CAMK2D: variants seen among roughly 807,000 people sequenced by gnomAD.
CAMK2D encodes the protein calcium/calmodulin-dependent protein kinase type II subunit delta.
Under a neutral mutation model 84.0 loss-of-function variants are expected in CAMK2D, and 37 were observed. That is an observed-to-expected ratio of 0.44 (90% confidence interval 0.34 to 0.58). CAMK2D has a LOEUF of 0.58. Ranked by LOEUF, CAMK2D falls within the 20% of genes least tolerant of loss-of-function variation. CAMK2D has a pLI of 0.02. For synonymous variants in CAMK2D, 202 were observed against 212.5 expected, an observed-to-expected ratio of 0.95 and a Z score of 0.43; for missense variants, 448 against 652.5, an observed-to-expected ratio of 0.69 and a Z score of 3.41.
rs185878428 is a variant in CAMK2D at position 113,721,703 on chromosome 4, A to C, written c.160+37617T>G. On this transcript the variant is annotated intron_variant, in intron 2 of 20. Coordinates refer to ENST00000511664, the MANE Select transcript of CAMK2D (RefSeq NM_001321571.2). ...ATAAAAGTAAAAGCAAAGACTTCTA[A>C]CAAATGAGGACTGCCGTAAATTATC... Among the ~76,000 whole-genome samples the C allele has an allele frequency of 5.3e-5, 8 of 152,304 alleles. No individual in the cohort carries two copies. The East Asian group carries it at 1.5e-3, about 29-fold the overall frequency.
intron 8 of CAMK2D, among the ~76,000 whole-genome samples, chr4:113,521,468 G>C (rs1326357921): frequency 6.6e-6 from 1 of 152,132 alleles, no homozygotes; most frequent in Non-Finnish European, 1.5e-5. Context: ...GAAATCAGCT[G>C]CTATTACAGA....
At chr4:113,483,938 C>T (rs1188433491) in intron 16 of CAMK2D, among the ~76,000 whole-genome samples, 2 of 151,948 alleles carry the variant, frequency 1.3e-5, no homozygotes, top group Admixed American at 1.3e-4. Flanking sequence ...TCCATATAAG[C>T]AATAATTGGT....
intron 2 of CAMK2D, among the ~76,000 whole-genome samples, chr4:113,711,787 G>C (rs1462792926): frequency 6.6e-6 from 1 of 152,176 alleles, no homozygotes; most frequent in Non-Finnish European, 1.5e-5. Context: ...TCTATGCTTA[G>C]AAAGAACATC....
At position 113,505,043 on chromosome 4, in the gene CAMK2D, T is replaced by C; in HGVS notation, c.985-8A>G. 1.3e-6 allele frequency: 2 copies of C among 1,561,712 alleles called. No individual in the cohort carries two copies. Among genetic ancestry groups the C allele is most frequent in the Non-Finnish European group, 1.7e-6 (2 of 1,158,914 alleles). Reference sequence around the variant, plus strand: ...GTTGGCTTTGTTGTTTATCTGTGGGTATGCAGAAAATAGAAACAGAGATGC... The same window carrying C: ...GTTGGCTTTGTTGTTTATCTGTGGGCATGCAGAAAATAGAAACAGAGATGC... On this transcript the variant is annotated splice_region_variant and splice_polypyrimidine_tract_variant and intron_variant, in intron 13 of 20. Transcript: ENST00000511664.
chr4:113,632,633 A>G (rs2099094636), intron 3 of CAMK2D, among the ~76,000 whole-genome samples: 1 of 152,066 alleles, frequency 6.6e-6, no homozygotes, highest in African/African-American at 2.4e-5. Flanking sequence ...AAAAAAAAAG[A>G]AAAAAATCAA....
intron 7 of CAMK2D, among the ~76,000 whole-genome samples, chr4:113,533,781 T>C (rs1230394587): frequency 6.6e-6 from 1 of 151,924 alleles, no homozygotes; most frequent in South Asian, 2.1e-4. Flanking sequence ...AGCCATCTTA[T>C]CAAGTATAGT....
intron 4 of CAMK2D, among the ~76,000 whole-genome samples, chr4:113,593,359 A>G (rs1211954719): frequency 6.6e-6 from 1 of 152,188 alleles, no homozygotes; most frequent in East Asian, 1.9e-4. Flanking sequence ...ACAGGTTAGG[A>G]TAGAGTGTCA....
At chr4:113,549,249 T>C (rs2098606512) in intron 5 of CAMK2D, among the ~76,000 whole-genome samples, 1 of 152,168 alleles carries the variant, frequency 6.6e-6, no homozygotes, top group African/African-American at 2.4e-5. Context: ...CTTAGAAGCG[T>C]TGCTTTTTGT....
chr4:113,659,118 T>C (rs1170546604), intron 3 of CAMK2D, among the ~76,000 whole-genome samples: 1 of 152,190 alleles, frequency 6.6e-6, no homozygotes, highest in East Asian at 1.9e-4. Flanking sequence ...TGGCAGTTTT[T>C]CGAGTGTTTG....
chr4:113,695,790 C>T (rs1261443019), intron 2 of CAMK2D, among the ~76,000 whole-genome samples: 1 of 152,052 alleles, frequency 6.6e-6, no homozygotes, highest in South Asian at 2.1e-4. Context: ...CAGATTGACC[C>T]CATTGCCTCC....
rs2097266041 is a variant in CAMK2D at position 113,452,719 on chromosome 4, A to C, written c.*1826T>G. ...TGTATGCCACGTATAGCTGCTTCAC[A>C]AAAGGGTAAAAGAAATTAAAAAGAG... On this transcript the variant is annotated 3_prime_UTR_variant, in exon 21 of 21. Transcript: ENST00000511664. The C allele has an allele frequency of 6.6e-6, 1 of 152,570 alleles. No homozygotes were observed. Among genetic ancestry groups the C allele is most frequent in the South Asian group, 2.1e-4 (1 of 4,832 alleles). The allele number at this position is 152,570 out of a possible 1,614,324, so 9.5% of individuals were successfully genotyped here.
chr4:113,505,580 G>C lies in CAMK2D; in HGVS notation c.985-545C>G, dbSNP rs538836920. On this transcript the variant is annotated intron_variant, in intron 13 of 20. Transcript: ENST00000511664. ...ATAGCTTTTAAAAATGACAAGTGTA[G>C]ATCTCCTCTAAAAATTACATCTTCA... Among the ~76,000 whole-genome samples the C allele has an allele frequency of 5.9e-5, 9 of 152,044 alleles. No individual in the cohort carries two copies. The South Asian group carries it at 1.9e-3, about 32-fold the overall frequency.
chr4:113,725,733 T>C (rs72899837), intron 2 of CAMK2D, among the ~76,000 whole-genome samples: 7,636 of 152,178 alleles, frequency 0.05, 640 homozygotes, highest in African/African-American at 0.17. Context: ...TGTAATTAAC[T>C]GGATTTAGAA....
chr4:113,510,603 T>C (rs1014196148), intron 12 of CAMK2D, among the ~76,000 whole-genome samples: 2 of 152,178 alleles, frequency 1.3e-5, no homozygotes, highest in Non-Finnish European at 2.9e-5. Context: ...TGACAATTAG[T>C]ACACCAAGTG....
At chr4:113,675,144 C>T (rs1045969445) in intron 2 of CAMK2D, among the ~76,000 whole-genome samples, 1 of 152,152 alleles carries the variant, frequency 6.6e-6, no homozygotes, top group Non-Finnish European at 1.5e-5. Flanking sequence ...TTTACCTTTT[C>T]CTTTCACCTT....
chr4:113,649,215 C>T (rs936433964), intron 3 of CAMK2D, among the ~76,000 whole-genome samples: 5 of 152,178 alleles, frequency 3.3e-5, no homozygotes, highest in African/African-American at 1.2e-4. Flanking sequence ...GATGCTCTTT[C>T]AACACCAATT....
At chr4:113,498,080 T>C (rs2097966904) in intron 16 of CAMK2D, among the ~76,000 whole-genome samples, 1 of 152,198 alleles carries the variant, frequency 6.6e-6, no homozygotes, top group Non-Finnish European at 1.5e-5. Context: ...ATGTTAGTTA[T>C]AGAATGTTAG....
At chr4:113,702,671 G>C (rs2099424415) in intron 2 of CAMK2D, among the ~76,000 whole-genome samples, 1 of 152,128 alleles carries the variant, frequency 6.6e-6, no homozygotes, top group Admixed American at 6.6e-5. Context: ...CACTTTGGAA[G>C]GCTGAGGCAG....
chr4:113,506,153 A>G (rs976882812), intron 13 of CAMK2D, among the ~76,000 whole-genome samples: 2 of 152,188 alleles, frequency 1.3e-5, no homozygotes, highest in Non-Finnish European at 2.9e-5. Context: ...GAGCATTTCA[A>G]GTGGTGACAC....
Sources: gnomAD v4.1 joint callset for allele counts (sites outside exome capture counted in the v4.1 genomes callset) on GRCh38, gnomAD v4.1.1 for gene constraint, MANE v1.5 for transcripts, NCBI Gene and HGNC (gene_info 2026-07-23, HGNC 2026-07-21) for gene names.